ERCC3: variants seen among roughly 807,000 people sequenced by gnomAD.
ERCC3 encodes the protein ERCC excision repair 3, TFIIH core complex helicase subunit.
Under a neutral mutation model 94.2 loss-of-function variants are expected in ERCC3, and 66 were observed. The ratio of observed to expected loss-of-function variants is 0.70; its 90% CI spans 0.57 to 0.86. ERCC3 has a LOEUF of 0.86. Ranked by LOEUF, ERCC3 falls within the 40% of genes least tolerant of loss-of-function variation. ERCC3 has a pLI of 0.00. For synonymous variants in ERCC3, 349 were observed against 369.1 expected (o/e 0.95, Z 0.63); for missense variants, 829 against 987.1 (o/e 0.84, Z 2.15).
At chr2:127,276,491 G>T (rs1266553012) in intron 10 of ERCC3, among the ~76,000 whole-genome samples, 2 of 152,114 alleles carry the variant, frequency 1.3e-5, no homozygotes, top group Admixed American at 1.3e-4. Context: ...CCTCCGAGAA[G>T]ACACTCTATT....
Position 127,280,360 on chromosome 2 carries a change from T to G in ERCC3, c.1527+87A>C. The G allele has an allele frequency of 8.1e-7, 1 of 1,232,064 alleles. No homozygotes were observed. The highest frequency in any genetic ancestry group is 1.2e-6 in the Non-Finnish European group (1 of 855,618). 76.3% of individuals were successfully genotyped at this position (1,232,064 alleles called of 1,614,324 possible). ...GCAGGTGAGCCTAAGTCCTGACCTG[T>G]GTCTGCCCATGAGGAATCGATCTGA... On this transcript the variant is annotated intron_variant, in intron 9 of 14. Transcript: ENST00000285398. This position sits in a 1 kb window ranked among gnomAD's most constrained non-coding sequence, Gnocchi z 6.3.
chr2:127,288,226 A>G (rs4150420), intron 7 of ERCC3, among the ~76,000 whole-genome samples: 14 of 152,308 alleles, frequency 9.2e-5, no homozygotes, highest in South Asian at 4.2e-4. Context: ...CAGGAACACC[A>G]AAGTTTCTGC....
chr2:127,271,937 G>A lies in ERCC3; in HGVS notation c.1828-484C>T, dbSNP rs1205823436. 6.6e-6 allele frequency among the ~76,000 whole-genome samples: 1 copy of A among 151,574 alleles called. No individual in the cohort carries two copies. The highest frequency in any genetic ancestry group is 2.4e-5 in the African/African-American group (1 of 41,206). On this transcript the variant is annotated intron_variant, in intron 11 of 14. Transcript: ENST00000285398. This position sits in a 1 kb window ranked among gnomAD's most constrained non-coding sequence, Gnocchi z 5.0. ...TCAGCTCTGGGGCTCCAAACATCGA[G>A]GTTCCCAGCCACAGACATGAAGGTT...
intron 10 of ERCC3, among the ~76,000 whole-genome samples, chr2:127,276,635 A>G (rs151197550): frequency 2.0e-5 from 3 of 152,326 alleles, no homozygotes; most frequent in African/African-American, 7.2e-5. Context: ...CAGAGGATCT[A>G]ACATCTGATG....
In ERCC3 at chr2:127,292,736, CT is replaced by C; in HGVS notation, c.344del (p.Glu115GlyfsTer4). 6.2e-7 allele frequency: 1 copy of C among 1,614,058 alleles called. No individual in the cohort carries two copies. Among genetic ancestry groups the C allele is most frequent in the Non-Finnish European group, 8.5e-7 (1 of 1,180,010 alleles). On this transcript the variant is annotated frameshift_variant, in exon 3 of 15. Coordinates refer to ENST00000285398, the MANE Select transcript of ERCC3 (RefSeq NM_000122.2). LOFTEE classifies it high-confidence loss of function. ...EPVCRPTHVH[E>X]YKLTAYSLYA... ...ACAAGGAGTAGGCAGTTAGTTTGTA[CT>C]CATGCACATGGGTTGGTCGGCACAC... is the stretch of plus-strand genomic sequence containing the variant.
chr2:127,273,896 T>A (rs1684650377), intron 10 of ERCC3, among the ~76,000 whole-genome samples: 1 of 151,988 alleles, frequency 6.6e-6, no homozygotes, highest in African/African-American at 2.4e-5. Flanking sequence ...GGACAGTTTT[T>A]GTAGCTTCCC....
At position 127,280,442 on chromosome 2, in the gene ERCC3, G is replaced by A. The variant is rs1298611255; in HGVS notation, c.1527+5C>T. On this transcript the variant is annotated splice_donor_5th_base_variant and intron_variant, in intron 9 of 14. Coordinates refer to ENST00000285398, the MANE Select transcript of ERCC3 (RefSeq NM_000122.2). The surrounding 1 kb of genome is among the most constrained non-coding windows in gnomAD (Gnocchi z 6.3). Reference sequence around the variant, plus strand: ...CCCAGACGCCCCCAGCCCAGGCCCAGCTACCTCAGCACACTGGACTTTGGC... The same window carrying A: ...CCCAGACGCCCCCAGCCCAGGCCCAACTACCTCAGCACACTGGACTTTGGC... 1 of 1,609,808 alleles carries A rather than the reference G, an allele frequency of 6.2e-7. No individual in the cohort carries two copies. Among genetic ancestry groups the A allele is most frequent in the Non-Finnish European group, 8.5e-7 (1 of 1,178,268 alleles).
intron 12 of ERCC3, among the ~76,000 whole-genome samples, chr2:127,265,543 T>C (rs1002792998): frequency 6.6e-5 from 10 of 152,116 alleles, no homozygotes; most frequent in African/African-American, 2.2e-4. Flanking sequence ...CTCAGCCTCC[T>C]GAGTAGCTGG....
chr2:127,279,401 C>T lies in ERCC3; in HGVS notation c.1528-26G>A. On this transcript the variant is annotated intron_variant, in intron 9 of 14. Transcript: ENST00000285398. The surrounding 1 kb of genome is among the most constrained non-coding windows in gnomAD (Gnocchi z 4.7). The stretch of plus-strand genomic sequence containing the variant: ...CTGTAATACAGTAAGAACCAGGGGT[C>T]ATTTTACAAGTTTAAACACCACACA... 2 of 1,552,280 alleles carry T rather than the reference C, an allele frequency of 1.3e-6. No individual in the cohort carries two copies.
At position 127,289,731 on chromosome 2, in the gene ERCC3, C is replaced by G. The variant is rs13427563; in HGVS notation, c.615G>C (p.Glu205Asp). 6.2e-7 allele frequency: 1 copy of G among 1,614,110 alleles called. No homozygotes were observed. Reference protein sequence around the residue: ...RECRLRNSEGEATELITETFT... With the variant: ...RECRLRNSEGDATELITETFT... ...AAGTCTCTGTGATGAGCTCAGTGGC[C>G]TCCCCTTCAGAGTTTCTTAAGCGGC... Residue 205 changes from glutamate to aspartate, a missense_variant, in exon 5 of 15, where the codon GAG becomes GAC. Transcript: ENST00000285398.
rs1261702724 is a variant in ERCC3, at chr2:127,294,128, G to T, written c.-47C>A. On this transcript the variant is annotated 5_prime_UTR_variant, in exon 1 of 15. Transcript: ENST00000285398. ...AAGATGACCCCGCTCCCACAGGCCCGCCGCGGCATCCGCTCTGGGGGGACT... is the reference window on the plus strand; with the variant it reads ...AAGATGACCCCGCTCCCACAGGCCCTCCGCGGCATCCGCTCTGGGGGGACT... 6.3e-7 allele frequency: 1 copy of T among 1,596,092 alleles called. No individual in the cohort carries two copies. The highest frequency in any genetic ancestry group is 8.5e-7 in the Non-Finnish European group (1 of 1,174,670).
chr2:127,294,144 TG>T (rs1685386752), upstream of ERCC3: 4 of 1,576,288 alleles, frequency 2.5e-6, no homozygotes, highest in African/African-American at 1.3e-5. Context: ...GCATCCGCTC[TG>T]GGGGGACTTC....
chr2:127,275,238 C>T (rs1684696444), intron 10 of ERCC3, among the ~76,000 whole-genome samples: 1 of 152,008 alleles, frequency 6.6e-6, no homozygotes, highest in African/African-American at 2.4e-5. Context: ...CTATATTGCC[C>T]AAGCTGGACT....
At chr2:127,270,704 A>G (rs1684520567) in intron 12 of ERCC3, among the ~76,000 whole-genome samples, 1 of 152,174 alleles carries the variant, frequency 6.6e-6, no homozygotes, top group Non-Finnish European at 1.5e-5. Flanking sequence ...AGACACGGCC[A>G]TCTCTTAGCA....
At chr2:127,288,094 T>C (rs572510119) in intron 7 of ERCC3, among the ~76,000 whole-genome samples, 6 of 151,908 alleles carry the variant, frequency 3.9e-5, no homozygotes, top group African/African-American at 1.5e-4. Flanking sequence ...CCAAGGTGAG[T>C]CTGCTGTGGT....
chr2:127,278,264 A>G (rs1353685197), intron 10 of ERCC3, among the ~76,000 whole-genome samples: 2 of 151,960 alleles, frequency 1.3e-5, no homozygotes, highest in African/African-American at 4.8e-5. Context: ...AAAAAGGAAG[A>G]AAGAAAGAAA....
At chr2:127,290,014 C>A in intron 4 of ERCC3, 190 bp from the exon 5 acceptor site, 1 of 801,080 alleles carries the variant, frequency 1.2e-6, no homozygotes, top group Non-Finnish European at 2.1e-6. Flanking sequence ...GTCAAGTAGG[C>A]AGGGGCCTGA....
At chr2:127,289,977 T>C (rs1002605528) in intron 4 of ERCC3, 153 bp from the exon 5 acceptor site, 1 of 955,492 alleles carries the variant, frequency 1.0e-6, no homozygotes, top group South Asian at 1.5e-5. Flanking sequence ...CGGCCATGAT[T>C]TAACATATGA....
intron 8 of ERCC3, 136 bp downstream of exon 8, chr2:127,286,567 T>C (rs1191438477): frequency 1.2e-6 from 1 of 820,676 alleles, no homozygotes; most frequent in African/African-American, 1.7e-5. Flanking sequence ...AAAGAACTAT[T>C]AAAAGCTTTA....
Sources: allele counts gnomAD v4.1 joint callset (sites outside exome capture counted in the v4.1 genomes callset), GRCh38; gene constraint gnomAD v4.1.1; non-coding constraint Gnocchi (gnomAD v3.1); transcripts MANE v1.5; gene names NCBI Gene and HGNC (gene_info 2026-07-23, HGNC 2026-07-21).